NRG3: variants seen among roughly 807,000 people sequenced by gnomAD.
NRG3 encodes the protein pro-neuregulin-3, membrane-bound isoform.
Under a neutral mutation model 66.9 loss-of-function variants are expected in NRG3, and 31 were observed. The ratio of observed to expected loss-of-function variants is 0.46; its 90% CI spans 0.35 to 0.63. NRG3 has a LOEUF of 0.63. Among genes scored for constraint, NRG3 ranks in the 20% least tolerant of loss-of-function variants. The pLI, the probability that NRG3 is intolerant of heterozygous loss-of-function variation, is 0.00. For synonymous variants in NRG3, 393 were observed against 359.4 expected, an observed-to-expected ratio of 1.09 and a Z score of -1.06; for missense variants, 910 against 878.9, an observed-to-expected ratio of 1.04 and a Z score of -0.45.
At chr10:82,237,031 C>A (rs1412120033) in intron 1 of NRG3, among the ~76,000 whole-genome samples, 1 of 152,102 alleles carries the variant, frequency 6.6e-6, no homozygotes, top group East Asian at 1.9e-4. Flanking sequence ...AACTAGAACT[C>A]TTAAACACAT....
intron 1 of NRG3, among the ~76,000 whole-genome samples, chr10:82,025,755 T>C (rs967930673): frequency 5.3e-5 from 8 of 152,132 alleles, no homozygotes; most frequent in Non-Finnish European, 1.2e-4. Context: ...TTAATGAGCA[T>C]ATTGGCAACT....
At chr10:82,828,374 G>A (rs536421526) in intron 3 of NRG3, among the ~76,000 whole-genome samples, 1 of 152,274 alleles carries the variant, frequency 6.6e-6, no homozygotes, top group Non-Finnish European at 1.5e-5. Flanking sequence ...GCAGCAAGAA[G>A]CATCTTAACT....
chr10:82,232,521 C>T (rs896155636), intron 1 of NRG3: 11 of 491,554 alleles, frequency 2.2e-5, no homozygotes, highest in African/African-American at 1.9e-4. Context: ...CCTCAAATTC[C>T]AGATCTCATT....
chr10:82,310,407 A>G (rs1309346828), intron 1 of NRG3, among the ~76,000 whole-genome samples: 1 of 152,196 alleles, frequency 6.6e-6, no homozygotes, highest in Non-Finnish European at 1.5e-5. Flanking sequence ...TTAGTGTGCA[A>G]TTATGCCATT....
chr10:81,894,197 T>C (rs1253450295), intron 1 of NRG3, among the ~76,000 whole-genome samples: 1 of 151,992 alleles, frequency 6.6e-6, no homozygotes, highest in Non-Finnish European at 1.5e-5. Context: ...AAAAATTAGC[T>C]GGGCATGGTG....
rs1237534844 is a variant in NRG3, at chr10:81,879,150, G to A, written c.823+2987G>A. On this transcript the variant is annotated intron_variant, in intron 1 of 8. Transcript: ENST00000372141. ...GTGAGCTGGACCAAAACTTTCTTCA[G>A]CGTTCCTGGGATTCTTGGGTTTCCA... 3.9e-5 allele frequency among the ~76,000 whole-genome samples: 6 copies of A among 152,180 alleles called. No individual in the cohort carries two copies. In the East Asian group the frequency reaches 1.2e-3, roughly 29 times the overall value.
chr10:81,876,915 C>T (rs1369399815), intron 1 of NRG3, among the ~76,000 whole-genome samples: 1 of 151,930 alleles, frequency 6.6e-6, no homozygotes, highest in Non-Finnish European at 1.5e-5. Flanking sequence ...CCTCTAGGGT[C>T]CTGACGAAGG....
At chr10:81,977,743 C>T (rs1201350952) in intron 1 of NRG3, among the ~76,000 whole-genome samples, 2 of 152,122 alleles carry the variant, frequency 1.3e-5, no homozygotes, top group East Asian at 1.9e-4. Context: ...ATGCTCTTAT[C>T]CTCATACTAT....
intron 1 of NRG3, among the ~76,000 whole-genome samples, chr10:82,254,695 A>C: frequency 6.6e-6 from 1 of 152,106 alleles, no homozygotes; most frequent in South Asian, 2.1e-4. Context: ...CAAAAAACTC[A>C]CACTGATTGT....
At chr10:82,375,391 A>C (rs6584683) in intron 2 of NRG3, among the ~76,000 whole-genome samples, 1 of 151,500 alleles carries the variant, frequency 6.6e-6, no homozygotes, top group Admixed American at 6.6e-5. Flanking sequence ...CAAAAAATTA[A>C]CCGGGCGTGG....
intron 1 of NRG3, among the ~76,000 whole-genome samples, chr10:82,042,579 A>G (rs1260858196): frequency 2.0e-5 from 3 of 152,080 alleles, no homozygotes; most frequent in Non-Finnish European, 4.4e-5. Context: ...CATGTTGAAG[A>G]CAAAGTATTT....
At chr10:81,942,367 C>T (rs1189139773) in intron 1 of NRG3, among the ~76,000 whole-genome samples, 1 of 152,064 alleles carries the variant, frequency 6.6e-6, no homozygotes, top group Non-Finnish European at 1.5e-5. Flanking sequence ...TCATAGTCCT[C>T]AGTTTTTGAT....
chr10:82,171,201 G>A (rs2072574450), intron 1 of NRG3, among the ~76,000 whole-genome samples: 1 of 151,978 alleles, frequency 6.6e-6, no homozygotes, highest in Admixed American at 6.6e-5. Context: ...TTAAAATAAT[G>A]TGGAAAGTAG....
At chr10:82,920,289 T>C (rs1215530590) in intron 4 of NRG3, among the ~76,000 whole-genome samples, 1 of 152,134 alleles carries the variant, frequency 6.6e-6, no homozygotes, top group Non-Finnish European at 1.5e-5. Flanking sequence ...TAATTGAATG[T>C]TTTAAGAAAC....
chr10:82,601,156 G>A (rs2047603011), intron 2 of NRG3, among the ~76,000 whole-genome samples: 1 of 152,216 alleles, frequency 6.6e-6, no homozygotes, highest in Non-Finnish European at 1.5e-5. Context: ...AGTGTTCCAT[G>A]GTACATATGT....
At chr10:82,852,464 A>G (rs181008858) in intron 3 of NRG3, among the ~76,000 whole-genome samples, 31 of 152,260 alleles carry the variant, frequency 2.0e-4, no homozygotes, top group African/African-American at 6.7e-4. Flanking sequence ...GTAAAAATTA[A>G]AAACTAATAA....
At chr10:82,340,202 T>C (rs2082610537) in intron 1 of NRG3, among the ~76,000 whole-genome samples, 1 of 152,164 alleles carries the variant, frequency 6.6e-6, no homozygotes, top group African/African-American at 2.4e-5. Flanking sequence ...GAGAACACCA[T>C]AGAAGTAAAA....
chr10:82,616,180 T>G (rs1047928074), intron 2 of NRG3, among the ~76,000 whole-genome samples: 3 of 152,170 alleles, frequency 2.0e-5, no homozygotes, highest in Admixed American at 6.5e-5. Flanking sequence ...CACTCAAAAT[T>G]AAAATAATCT....
intron 3 of NRG3, among the ~76,000 whole-genome samples, chr10:82,777,768 C>T (rs936764710): frequency 1.3e-5 from 2 of 152,116 alleles, no homozygotes; most frequent in Admixed American, 6.6e-5. Context: ...GTGGTGGCTC[C>T]GGACCCTGGA....
Sources: gnomAD v4.1 joint callset for allele counts (sites outside exome capture counted in the v4.1 genomes callset) on GRCh38, gnomAD v4.1.1 for gene constraint, MANE v1.5 for transcripts, NCBI Gene and HGNC (gene_info 2026-07-23, HGNC 2026-07-21) for gene names.